The following VPS41 variants were observed in gnomAD, a reference collection of about 807,000 sequenced individuals.
The protein encoded by VPS41 is vacuolar protein sorting-associated protein 41 homolog.
A neutral mutation model predicts 130.9 loss-of-function variants in VPS41; 85 were observed. The ratio of observed to expected loss-of-function variants is 0.65; its 90% CI spans 0.55 to 0.78. VPS41 has a LOEUF of 0.78. VPS41 is among the 30% of genes least tolerant of loss of function. The pLI is 0.00. For missense variants in VPS41, 874 were observed against 1,018.7 expected, an observed-to-expected ratio of 0.86 and a Z score of 1.93; for synonymous variants, 335 against 332.9, an observed-to-expected ratio of 1.01 and a Z score of -0.07.
chr7:38,868,994 T>C, intron 3 of VPS41, 152 bp downstream of exon 3: 1 of 571,402 alleles, frequency 1.8e-6, no homozygotes, highest in Admixed American at 3.3e-5. Flanking sequence ...ATAAAATATT[T>C]GGGGTTTTTT....
chr7:38,857,993 T>A (rs1356578204), intron 4 of VPS41, among the ~76,000 whole-genome samples: 1 of 152,168 alleles, frequency 6.6e-6, no homozygotes, highest in African/African-American at 2.4e-5. Context: ...GCAGAAAGAA[T>A]CAGCAGAAAG....
chr7:38,746,865 T>C (rs1484370811), intron 22 of VPS41, among the ~76,000 whole-genome samples: 1 of 152,132 alleles, frequency 6.6e-6, no homozygotes, highest in African/African-American at 2.4e-5. Flanking sequence ...TCTCCACTAT[T>C]GGATGGCACT....
In VPS41 at chr7:38,789,762, A is replaced by T. The variant is rs747468548; in HGVS notation, c.784+39T>A. The T allele has an allele frequency of 7.5e-5, 121 of 1,608,424 alleles. 1 individual carries two copies. The highest frequency in any genetic ancestry group is 1.0e-4 in the Non-Finnish European group (119 of 1,175,512). ...TTAATGAAGACGAAAATTTTGAATG[A>T]AGTTTTACATCCACAGAAGGCAAGT... On this transcript the variant is annotated intron_variant, in intron 10 of 28. Transcript: ENST00000310301.
At chr7:38,836,115 T>C (rs920451155) in intron 4 of VPS41, among the ~76,000 whole-genome samples, 1 of 152,080 alleles carries the variant, frequency 6.6e-6, no homozygotes, top group African/African-American at 2.4e-5. Context: ...CTGATCCATT[T>C]AGCATTGGCT....
intron 2 of VPS41, among the ~76,000 whole-genome samples, chr7:38,890,382 C>T (rs143163774): frequency 5.5e-4 from 84 of 152,218 alleles, no homozygotes; most frequent in African/African-American, 1.7e-3. Flanking sequence ...GTTGGATGTG[C>T]GGCAAGGAGT....
chr7:38,829,511 TACACTGTGCATTA>T (rs1785345277), intron 5 of VPS41, among the ~76,000 whole-genome samples: 2 of 150,966 alleles, frequency 1.3e-5, no homozygotes, highest in South Asian at 4.1e-4. Flanking sequence ...GTAGCTTAAA[TACACTGTGCATTA>T]GGATTTTATC....
chr7:38,790,163 T>A (rs897800908), intron 9 of VPS41, among the ~76,000 whole-genome samples: 2 of 152,200 alleles, frequency 1.3e-5, no homozygotes, highest in Non-Finnish European at 2.9e-5. Context: ...ATCAGGGATT[T>A]TTCCTTTTTC....
intron 7 of VPS41, among the ~76,000 whole-genome samples, chr7:38,808,510 G>T (rs1026366098): frequency 1.3e-5 from 2 of 152,174 alleles, no homozygotes. Context: ...ATAAATAAAG[G>T]TATGTATTTA....
intron 10 of VPS41, among the ~76,000 whole-genome samples, chr7:38,784,825 A>C (rs1490344563): frequency 6.6e-6 from 1 of 152,160 alleles, no homozygotes; most frequent in Non-Finnish European, 1.5e-5. Context: ...CAAGGGCTAA[A>C]GCGCTGCAGT....
At chr7:38,746,477 C>CCA (rs1795987043) in intron 22 of VPS41, among the ~76,000 whole-genome samples, 1 of 151,944 alleles carries the variant, frequency 6.6e-6, no homozygotes, top group Non-Finnish European at 1.5e-5. Flanking sequence ...CAGCATGAGT[C>CCA]CACCCCCGGG....
chr7:38,806,930 T>C (rs1378477599), intron 7 of VPS41, among the ~76,000 whole-genome samples: 4 of 152,180 alleles, frequency 2.6e-5, no homozygotes, highest in South Asian at 2.1e-4. Flanking sequence ...TCCATGACCA[T>C]GAAGGACCAG....
chr7:38,747,025 CA>C (rs1325778906), intron 22 of VPS41, among the ~76,000 whole-genome samples: 1 of 152,150 alleles, frequency 6.6e-6, no homozygotes, highest in Non-Finnish European at 1.5e-5. Flanking sequence ...TGTTAAGCCA[CA>C]ATTATTTTGG....
intron 5 of VPS41, among the ~76,000 whole-genome samples, chr7:38,829,337 A>G: frequency 6.6e-6 from 1 of 152,196 alleles, no homozygotes; most frequent in East Asian, 1.9e-4. Flanking sequence ...TATCTCTTTT[A>G]CACCGGGTAT....
chr7:38,890,931 C>T (rs1479362725), intron 2 of VPS41, among the ~76,000 whole-genome samples: 2 of 152,074 alleles, frequency 1.3e-5, no homozygotes, highest in Non-Finnish European at 2.9e-5. Context: ...AGTGATCCTC[C>T]CGCCTTGACC....
intron 4 of VPS41, 74 bp from the exon 5 acceptor site, chr7:38,830,402 T>C: frequency 2.2e-6 from 2 of 899,250 alleles, no homozygotes; most frequent in Non-Finnish European, 3.8e-6. Context: ...CTTTGCTCTT[T>C]GTAAAATAGT....
intron 10 of VPS41, among the ~76,000 whole-genome samples, chr7:38,787,661 C>G (rs889961180): frequency 6.6e-6 from 1 of 152,132 alleles, no homozygotes; most frequent in Admixed American, 6.5e-5. Context: ...TACAGCCATA[C>G]GTATTTCTTT....
At chr7:38,869,593 T>C (rs1456535408) in intron 2 of VPS41, among the ~76,000 whole-genome samples, 2 of 152,190 alleles carry the variant, frequency 1.3e-5, no homozygotes, top group African/African-American at 4.8e-5. Context: ...CAATATTTAC[T>C]ATAATGGCCT....
intron 11 of VPS41, among the ~76,000 whole-genome samples, chr7:38,774,579 T>G (rs1182810991): frequency 2.0e-5 from 3 of 151,990 alleles, no homozygotes; most frequent in Non-Finnish European, 4.4e-5. Context: ...GAAATATATT[T>G]AAAAATTGAC....
At chr7:38,825,696 G>A (rs1028682604) in intron 5 of VPS41, among the ~76,000 whole-genome samples, 2 of 152,160 alleles carry the variant, frequency 1.3e-5, no homozygotes, top group Non-Finnish European at 2.9e-5. Context: ...ATAGAACCAA[G>A]CTCCTGCAAA....
Sources: gnomAD v4.1 joint callset for allele counts (sites outside exome capture counted in the v4.1 genomes callset) on GRCh38, gnomAD v4.1.1 for gene constraint, MANE v1.5 for transcripts, NCBI Gene and HGNC (gene_info 2026-07-23, HGNC 2026-07-21) for gene names.